The following IL34 variants were observed in gnomAD, a reference collection of about 807,000 sequenced individuals.
IL34 encodes interleukin-34.
In IL34, 17 loss-of-function variants were observed where a neutral mutation model predicts 25.3. The observed-to-expected ratio is 0.67, with a 90% CI of 0.46 to 1.01. The LOEUF is 1.01. Ranked by LOEUF, IL34 falls within the 50% of genes least tolerant of loss-of-function variation. The pLI is 0.00. For missense variants in IL34, 368 were observed against 312.9 expected (o/e 1.18, Z -1.33); for synonymous variants, 174 against 140.9 (o/e 1.23, Z -1.66).
chr16:70,622,780 A>G (rs996905044), intron 1 of IL34, among the ~76,000 whole-genome samples: 3 of 152,082 alleles, frequency 2.0e-5, no homozygotes, highest in African/African-American at 7.2e-5. Context: ...AGGTATGAGG[A>G]AGAAAATAGA....
chr16:70,621,927 G>A (rs1216112751), intron 1 of IL34, among the ~76,000 whole-genome samples: 1 of 151,872 alleles, frequency 6.6e-6, no homozygotes, highest in Non-Finnish European at 1.5e-5. Flanking sequence ...CTTTTGTGGT[G>A]GAATGTCATC....
chr16:70,611,067 G>A (rs2051083833), intron 1 of IL34, among the ~76,000 whole-genome samples: 2 of 152,146 alleles, frequency 1.3e-5, no homozygotes, highest in Non-Finnish European at 2.9e-5. Context: ...CAACCTCCAT[G>A]TCCCTGGTTC....
rs374629250 is a variant in IL34 at position 70,660,659 on chromosome 16, T to C, written c.*472T>C. The C allele has an allele frequency of 1.4e-4, 23 of 158,928 alleles. No homozygotes were observed. The East Asian group carries it at 2.6e-3, about 18-fold the overall frequency. The allele number at this position is 158,928 out of a possible 1,614,324, so 9.8% of individuals were successfully genotyped here. On this transcript the variant is annotated 3_prime_UTR_variant, in exon 6 of 6. Coordinates refer to ENST00000288098, the MANE Select transcript of IL34 (RefSeq NM_001393494.1). Reference sequence around the variant, plus strand: ...GGATGCTCTTCCAGTTTCTTTTTTCTATTAAACACCCCACTTCCTTTGGTT... The same window carrying C: ...GGATGCTCTTCCAGTTTCTTTTTTCCATTAAACACCCCACTTCCTTTGGTT...
chr16:70,657,159 G>C, intron 4 of IL34, 38 bp downstream of exon 4: 1 of 1,596,860 alleles, frequency 6.3e-7, no homozygotes, highest in Non-Finnish European at 8.5e-7. Context: ...GGGTGTGTGT[G>C]TGTGCACACG....
intron 1 of IL34, among the ~76,000 whole-genome samples, chr16:70,621,622 C>T (rs1351061052): frequency 2.0e-5 from 3 of 152,058 alleles, no homozygotes; most frequent in East Asian, 1.9e-4. Flanking sequence ...CATGCGCGTC[C>T]GTGTGAAGAG....
At chr16:70,589,840 C>T (rs892041621) in intron 1 of IL34, among the ~76,000 whole-genome samples, 2 of 152,164 alleles carry the variant, frequency 1.3e-5, no homozygotes, top group Non-Finnish European at 2.9e-5. Context: ...CCAGGCTGGT[C>T]TTGAACTCCT....
At chr16:70,656,455 G>C (rs1175033825) in intron 2 of IL34, 147 bp from the exon 3 acceptor site, 13 of 664,240 alleles carry the variant, frequency 2.0e-5, no homozygotes, top group East Asian at 1.3e-4. Flanking sequence ...GGAGGTCAAG[G>C]CTTCCGTGAG....
chr16:70,656,847 A>G (rs2052236858), intron 3 of IL34, 113 bp from the exon 4 acceptor site: 7 of 1,252,926 alleles, frequency 5.6e-6, no homozygotes, highest in Non-Finnish European at 8.0e-6. Flanking sequence ...TCCACTGTCC[A>G]CAGCGGACGG....
intron 1 of IL34, among the ~76,000 whole-genome samples, chr16:70,599,775 A>G (rs1268425472): frequency 6.6e-6 from 1 of 151,656 alleles, no homozygotes; most frequent in African/African-American, 2.4e-5. Flanking sequence ...CCTGGCCCCA[A>G]GCAATCCTCC....
At chr16:70,585,033 C>T (rs1209105456) in intron 1 of IL34, among the ~76,000 whole-genome samples, 3 of 152,016 alleles carry the variant, frequency 2.0e-5, no homozygotes, top group Non-Finnish European at 4.4e-5. Flanking sequence ...AGAAAATCCA[C>T]GTTGTACCAC....
intron 1 of IL34, among the ~76,000 whole-genome samples, chr16:70,637,607 A>C (rs1196459213): frequency 6.6e-6 from 1 of 152,126 alleles, no homozygotes; most frequent in African/African-American, 2.4e-5. Context: ...GACCTCCCAA[A>C]ATGCTGGGAT....
chr16:70,604,584 T>C (rs975337189), intron 1 of IL34, among the ~76,000 whole-genome samples: 1 of 152,202 alleles, frequency 6.6e-6, no homozygotes, highest in African/African-American at 2.4e-5. Context: ...AATTCCATTT[T>C]CCCCATTGTT....
intron 1 of IL34, among the ~76,000 whole-genome samples, chr16:70,630,139 C>T (rs1265544676): frequency 1.3e-5 from 2 of 152,206 alleles, no homozygotes; most frequent in Non-Finnish European, 2.9e-5. Context: ...TTTCACTTAA[C>T]ATAATGATGA....
chr16:70,601,287 T>A (rs1220209327), intron 1 of IL34, among the ~76,000 whole-genome samples: 5 of 152,198 alleles, frequency 3.3e-5, no homozygotes, highest in Middle Eastern at 3.4e-3. Flanking sequence ...AAAAAAAAAT[T>A]GTAGAGACAG....
chr16:70,659,124 C>T (rs115344385), intron 4 of IL34, among the ~76,000 whole-genome samples: 1,776 of 152,272 alleles, frequency 0.012, 28 homozygotes, highest in African/African-American at 0.04. Flanking sequence ...ACGGTGCACC[C>T]CACATGACCC....
intron 3 of IL34, 50 bp from the exon 4 acceptor site, chr16:70,656,910 G>A: frequency 6.4e-7 from 1 of 1,572,368 alleles, no homozygotes; most frequent in Non-Finnish European, 8.6e-7. Context: ...AGTGGTCAGA[G>A]CCCAGAGGCC....
chr16:70,622,949 C>T lies in IL34; in HGVS notation c.-400-23599C>T, dbSNP rs140476289. ...GTTTGGACAGAAAGGCTACAGGGTG[C>T]GGTCCTGGCTCTTGTATAAGAATTC... On this transcript the variant is annotated intron_variant, in intron 1 of 6. Transcript: ENST00000429149. 4.7e-3 allele frequency among the ~76,000 whole-genome samples: 708 copies of T among 152,114 alleles called. 4 individuals carry two copies. Among genetic ancestry groups the T allele is most frequent in the African/African-American group, 0.016 (680 of 41,514 alleles).
intron 1 of IL34, among the ~76,000 whole-genome samples, chr16:70,599,012 C>A (rs1299523320): frequency 2.0e-5 from 3 of 152,164 alleles, no homozygotes; most frequent in Admixed American, 6.5e-5. Context: ...TTATCACTAA[C>A]CTTGTAAGAT....
upstream of IL34, among the ~76,000 whole-genome samples, chr16:70,645,512 A>C (rs909805695): frequency 5.9e-5 from 9 of 152,232 alleles, no homozygotes; most frequent in Admixed American, 1.3e-4. Flanking sequence ...CAGAGCAGAC[A>C]CAATGGTCCA....
Sources: gnomAD v4.1 joint callset for allele counts (sites outside exome capture counted in the v4.1 genomes callset) on GRCh38, gnomAD v4.1.1 for gene constraint, MANE v1.5 for transcripts, NCBI Gene and HGNC (gene_info 2026-07-23, HGNC 2026-07-21) for gene names.